Variants in ZNF280D observed in about 807,000 individuals in gnomAD.
ZNF280D encodes suppressor of hairy wing homolog 4.
ZNF280D carries 39 observed loss-of-function variants against 94.7 expected under a neutral mutation model. The ratio of observed to expected loss-of-function variants is 0.41; its 90% CI spans 0.32 to 0.54. ZNF280D has a LOEUF of 0.54. Ranked by LOEUF, ZNF280D falls within the 20% of genes least tolerant of loss-of-function variation. The pLI, the probability that ZNF280D is intolerant of heterozygous loss-of-function variation, is 0.22. For missense variants in ZNF280D, 1,090 were observed against 1,149.3 expected, an observed-to-expected ratio of 0.95 and a Z score of 0.75; for synonymous variants, 398 against 377.6, an observed-to-expected ratio of 1.05 and a Z score of -0.63.
chr15:56,661,081 A>G (rs541891487), intron 16 of ZNF280D, among the ~76,000 whole-genome samples: 5 of 152,288 alleles, frequency 3.3e-5, no homozygotes, highest in Admixed American at 6.5e-5. Context: ...ATAAAAGTCA[A>G]TAGTGACACA....
chr15:56,667,989 C>T, intron 14 of ZNF280D: 1 of 298,102 alleles, frequency 3.4e-6, no homozygotes, highest in Non-Finnish European at 6.5e-6. Context: ...GAGGACTGCA[C>T]TGCTTACATT....
At chr15:56,700,206 T>C in intron 6 of ZNF280D, 3 of 966,946 alleles carry the variant, frequency 3.1e-6, no homozygotes, top group Non-Finnish European at 3.7e-6. Flanking sequence ...TATATGTATG[T>C]ATGTGTGCAT....
At chr15:56,660,553 A>T (rs2053864377) in intron 16 of ZNF280D, among the ~76,000 whole-genome samples, 1 of 152,108 alleles carries the variant, frequency 6.6e-6, no homozygotes, top group African/African-American at 2.4e-5. Flanking sequence ...CTCACACATA[A>T]AAAGGAAAAA....
intron 13 of ZNF280D, among the ~76,000 whole-genome samples, chr15:56,675,546 G>A (rs1218392556): frequency 2.6e-5 from 4 of 151,790 alleles, no homozygotes; most frequent in Non-Finnish European, 5.9e-5. Context: ...TGGGAGACTT[G>A]AGAGATTTAC....
At chr15:56,632,495 GA>G (rs2052129828) in intron 21 of ZNF280D, among the ~76,000 whole-genome samples, 1 of 122,074 alleles carries the variant, frequency 8.2e-6, no homozygotes, top group Admixed American at 9.6e-5. Flanking sequence ...ATTTTTTTAT[GA>G]TTTTTTTTTT....
chr15:56,651,022 T>C (rs2053173905), intron 19 of ZNF280D, among the ~76,000 whole-genome samples: 1 of 152,224 alleles, frequency 6.6e-6, no homozygotes, highest in Non-Finnish European at 1.5e-5. Context: ...ATATTATATG[T>C]TTTATTTACT....
rs149806230 is a variant in ZNF280D at position 56,676,365 on chromosome 15, T to G, written c.1410+305A>C. Among the ~76,000 whole-genome samples, 540 of 152,266 alleles carry G rather than the reference T, an allele frequency of 3.5e-3. 4 individuals carry two copies. The highest frequency in any genetic ancestry group is 0.012 in the African/African-American group (516 of 41,572). ...TTCAAAATCATTCTCATATCTACCT[T>G]TAGACCCTGAAATATTCAATCTTTT... On this transcript the variant is annotated intron_variant, in intron 13 of 21. Coordinates refer to ENST00000267807, the MANE Select transcript of ZNF280D (RefSeq NM_017661.4).
chr15:56,686,093 A>C (rs2055993948), intron 9 of ZNF280D, among the ~76,000 whole-genome samples: 1 of 152,226 alleles, frequency 6.6e-6, no homozygotes, highest in Non-Finnish European at 1.5e-5. Flanking sequence ...CATTAAAACC[A>C]AGAAAAGGAT....
intron 19 of ZNF280D, among the ~76,000 whole-genome samples, chr15:56,646,231 C>T (rs4774884): frequency 0.48 from 73,437 of 151,852 alleles, 19,136 homozygotes; most frequent in East Asian, 0.6. Flanking sequence ...TGAGACCAGC[C>T]TGGGCAACAT....
intron 1 of ZNF280D, among the ~76,000 whole-genome samples, chr15:56,724,283 A>G (rs2058522624): frequency 6.6e-6 from 1 of 152,202 alleles, no homozygotes; most frequent in African/African-American, 2.4e-5. Flanking sequence ...ACAATTTACT[A>G]AAATAATGCT....
At chr15:56,678,950 T>C in intron 10 of ZNF280D, 129 bp from the exon 11 acceptor site, 1 of 864,688 alleles carries the variant, frequency 1.2e-6, no homozygotes, top group South Asian at 3.8e-5. Context: ...GTCTTAAAGT[T>C]GCCTAGGAAA....
intron 16 of ZNF280D, among the ~76,000 whole-genome samples, chr15:56,658,815 T>G (rs1847347480): frequency 6.6e-6 from 1 of 152,096 alleles, no homozygotes; most frequent in Admixed American, 6.6e-5. Flanking sequence ...TTGAAAACAA[T>G]TCTAAATTTT....
intron 1 of ZNF280D, among the ~76,000 whole-genome samples, chr15:56,716,828 A>C (rs1289009803): frequency 1.3e-5 from 2 of 152,194 alleles, no homozygotes; most frequent in African/African-American, 2.4e-5. Context: ...AAACTGGCTT[A>C]TGCAAAAGGA....
At chr15:56,699,367 ATAAC>A in intron 6 of ZNF280D, 2 of 939,296 alleles carry the variant, frequency 2.1e-6, no homozygotes, top group Non-Finnish European at 2.5e-6. Flanking sequence ...AAATTCTTTA[ATAAC>A]TAACTTTATT....
At chr15:56,718,438 A>C (rs1334342226) in intron 1 of ZNF280D, among the ~76,000 whole-genome samples, 1 of 152,224 alleles carries the variant, frequency 6.6e-6, no homozygotes, top group East Asian at 1.9e-4. Context: ...CAAACACCTC[A>C]AATATTATAG....
chr15:56,669,618 T>C (rs1252834135), intron 13 of ZNF280D, among the ~76,000 whole-genome samples: 1 of 150,056 alleles, frequency 6.7e-6, no homozygotes, highest in African/African-American at 2.5e-5. Flanking sequence ...ATGTGGCTAG[T>C]AGCTACTACA....
intron 10 of ZNF280D, 141 bp downstream of exon 10, chr15:56,682,113 C>T: frequency 1.7e-6 from 1 of 577,548 alleles, no homozygotes; most frequent in Non-Finnish European, 2.9e-6. Context: ...AGCTTTTCAA[C>T]AAGAGAATCC....
intron 1 of ZNF280D, among the ~76,000 whole-genome samples, chr15:56,727,846 T>G (rs1378502359): frequency 1.3e-5 from 2 of 152,148 alleles, no homozygotes; most frequent in African/African-American, 4.8e-5. Flanking sequence ...ATAAATTCCC[T>G]CAAACTTAAT....
At chr15:56,663,699 G>T (rs967025516) in intron 16 of ZNF280D, among the ~76,000 whole-genome samples, 13 of 152,240 alleles carry the variant, frequency 8.5e-5, no homozygotes, top group African/African-American at 1.2e-4. Flanking sequence ...CTTGTATATT[G>T]CAAACTAATT....
Sources: gnomAD v4.1 joint callset for allele counts (sites outside exome capture counted in the v4.1 genomes callset) on GRCh38, gnomAD v4.1.1 for gene constraint, MANE v1.5 for transcripts, NCBI Gene and HGNC (gene_info 2026-07-23, HGNC 2026-07-21) for gene names.